The following GABRG3 variants were observed in gnomAD, a reference collection of about 807,000 sequenced individuals.
The protein encoded by GABRG3 is gamma-aminobutyric acid type A receptor subunit gamma3.
A neutral mutation model predicts 48.8 loss-of-function variants in GABRG3; 25 were observed. That is an observed-to-expected ratio of 0.51 (90% CI 0.37 to 0.72). The LOEUF is 0.72. Ranked by LOEUF, GABRG3 falls within the 30% of genes least tolerant of loss-of-function variation. The pLI is 0.00. For synonymous variants in GABRG3, 227 were observed against 217.6 expected, an observed-to-expected ratio of 1.04 and a Z score of -0.38; for missense variants, 394 against 577.9, an observed-to-expected ratio of 0.68 and a Z score of 3.26.
intron 3 of GABRG3, among the ~76,000 whole-genome samples, chr15:27,065,054 G>A (rs1896714142): frequency 6.6e-6 from 1 of 152,076 alleles, no homozygotes; most frequent in South Asian, 2.1e-4. Context: ...CCGTGTGGTG[G>A]GCTCCTGCAC....
chr15:26,991,321 A>G (rs1041990558), intron 2 of GABRG3, among the ~76,000 whole-genome samples: 4 of 151,216 alleles, frequency 2.6e-5, no homozygotes, highest in Non-Finnish European at 4.4e-5. Context: ...TTGTTACTAT[A>G]GCCTTGTAAT....
At chr15:27,472,644 G>A (rs1889820351) in intron 5 of GABRG3, among the ~76,000 whole-genome samples, 1 of 152,066 alleles carries the variant, frequency 6.6e-6, no homozygotes, top group African/African-American at 2.4e-5. Context: ...TTTCCTAAGA[G>A]TATGTTAACT....
At chr15:27,018,364 A>G (rs948366279) in intron 2 of GABRG3, among the ~76,000 whole-genome samples, 8 of 152,156 alleles carry the variant, frequency 5.3e-5, no homozygotes, top group African/African-American at 1.9e-4. Flanking sequence ...TGAACTTAAC[A>G]CCAGTGTTTT....
intron 3 of GABRG3, among the ~76,000 whole-genome samples, chr15:27,109,893 TAAATA>T (rs1312527897): frequency 6.8e-6 from 1 of 146,462 alleles, no homozygotes; most frequent in African/African-American, 2.6e-5. Context: ...AGTAAATAAA[TAAATA>T]AAATAAAATG....
chr15:27,525,817 G>A (rs3097491), intron 7 of GABRG3, among the ~76,000 whole-genome samples: 84,561 of 151,840 alleles, frequency 0.56, 23,697 homozygotes, highest in East Asian at 0.67. Flanking sequence ...ATTCCCTGGG[G>A]GAGAACATTA....
At chr15:27,364,916 T>G (rs1174126856) in intron 5 of GABRG3, 3 of 152,182 alleles carry the variant, frequency 2.0e-5, no homozygotes, top group Non-Finnish European at 2.9e-5. Context: ...AGCCTTTTTG[T>G]TTTAATTTCA....
At position 27,533,011 on chromosome 15, in the gene GABRG3, T is replaced by C; in HGVS notation, c.*130T>C. 1 of 813,962 alleles carries C rather than the reference T, an allele frequency of 1.2e-6. No individual in the cohort carries two copies. The highest frequency in any genetic ancestry group is 1.9e-6 in the Non-Finnish European group (1 of 528,572). 50.4% of individuals were successfully genotyped at this position (813,962 alleles called of 1,614,324 possible). A position where few individuals can be genotyped will look rare whatever the true frequency, so the allele number is the denominator to read the frequency against. Reference sequence around the variant, plus strand: ...CAGTGTATCTTGTTATAAATGACCTTTCAGCAACACAGGAAGTACCCAGCA... The same window carrying C: ...CAGTGTATCTTGTTATAAATGACCTCTCAGCAACACAGGAAGTACCCAGCA... On this transcript the variant is annotated 3_prime_UTR_variant, in exon 10 of 10. Coordinates refer to ENST00000615808, the MANE Select transcript of GABRG3 (RefSeq NM_033223.5).
chr15:27,105,606 G>A (rs186741018), intron 3 of GABRG3, among the ~76,000 whole-genome samples: 36 of 152,222 alleles, frequency 2.4e-4, no homozygotes, highest in Non-Finnish European at 2.2e-4. Context: ...TAACGTTTTA[G>A]GATGGCGGTT....
intron 3 of GABRG3, among the ~76,000 whole-genome samples, chr15:27,072,559 G>T (rs920850788): frequency 1.3e-5 from 2 of 152,166 alleles, no homozygotes; most frequent in Non-Finnish European, 2.9e-5. Flanking sequence ...ACTCCAGAGG[G>T]TACAATGACT....
Position 27,110,312 on chromosome 15 carries a change from C to T in GABRG3, c.270+83491C>T, listed in dbSNP as rs542301430. Reference sequence around the variant, plus strand: ...TTGTAACAGTGTATTCCTTATTTCTCCTTCCTATGTCTCATACATTACTGT... The same window carrying T: ...TTGTAACAGTGTATTCCTTATTTCTTCTTCCTATGTCTCATACATTACTGT... On this transcript the variant is annotated intron_variant, in intron 3 of 9. Coordinates refer to ENST00000615808, the MANE Select transcript of GABRG3 (RefSeq NM_033223.5). Among the ~76,000 whole-genome samples the T allele has an allele frequency of 2.0e-4, 30 of 152,224 alleles. 1 individual carries two copies. The highest frequency in any genetic ancestry group is 7.0e-4 in the African/African-American group (29 of 41,558).
chr15:27,301,138 C>T (rs953563619), intron 3 of GABRG3, among the ~76,000 whole-genome samples: 1 of 151,892 alleles, frequency 6.6e-6, no homozygotes, highest in South Asian at 2.1e-4. Flanking sequence ...GTAGAGGAAC[C>T]TAAGGGAAAA....
chr15:27,347,553 C>T (rs940079840), intron 5 of GABRG3, among the ~76,000 whole-genome samples: 1 of 152,190 alleles, frequency 6.6e-6, no homozygotes, highest in African/African-American at 2.4e-5. Context: ...TCTTTCTCTG[C>T]TAGAGTAGGT....
chr15:27,457,360 T>C lies in GABRG3; in HGVS notation c.575-23290T>C, dbSNP rs1889315181. Among the ~76,000 whole-genome samples the C allele has an allele frequency of 6.6e-6, 1 of 152,206 alleles. No homozygotes were observed. The highest frequency in any genetic ancestry group is 2.4e-5 in the African/African-American group (1 of 41,464). ...AGCATTTGACGTTTTGTTTTTTGCG[T>C]TTGTAGAAACATCACCTTCAGACCT... is the stretch of plus-strand genomic sequence containing the variant. On this transcript the variant is annotated intron_variant, in intron 5 of 9. Coordinates refer to ENST00000615808, the MANE Select transcript of GABRG3 (RefSeq NM_033223.5). This position sits in a 1 kb window ranked among gnomAD's most constrained non-coding sequence, Gnocchi z 4.4.
At chr15:27,440,891 T>A (rs958062712) in intron 5 of GABRG3, among the ~76,000 whole-genome samples, 1 of 152,222 alleles carries the variant, frequency 6.6e-6, no homozygotes, top group Non-Finnish European at 1.5e-5. Flanking sequence ...AGTATACCCA[T>A]GGGGTAAACC....
intron 3 of GABRG3, among the ~76,000 whole-genome samples, chr15:27,315,549 A>G (rs373440094): frequency 5.9e-5 from 9 of 152,216 alleles, no homozygotes; most frequent in African/African-American, 2.2e-4. Context: ...TCCCATTATC[A>G]TGAATGTTAG....
rs546536631 is a variant in GABRG3 at position 27,077,751 on chromosome 15, G to A, written c.270+50930G>A. Among the ~76,000 whole-genome samples, 4 of 152,304 alleles carry A rather than the reference G, an allele frequency of 2.6e-5. No individual in the cohort carries two copies. In the South Asian group the frequency reaches 8.3e-4, roughly 32 times the overall value. On this transcript the variant is annotated intron_variant, in intron 3 of 9. Coordinates refer to ENST00000615808, the MANE Select transcript of GABRG3 (RefSeq NM_033223.5). ...CTGATCTCTCTCCTCTTATTCAGCTGCAGATTACTCTGGAAATGAAAGGAA... is the reference window on the plus strand; with the variant it reads ...CTGATCTCTCTCCTCTTATTCAGCTACAGATTACTCTGGAAATGAAAGGAA...
At chr15:27,481,185 A>G (rs934176013) in intron 6 of GABRG3, 1 of 1,004,522 alleles carries the variant, frequency 1.0e-6, no homozygotes, top group Non-Finnish European at 1.2e-6. Context: ...TTGAGTTTCA[A>G]TTGCTTTTAT....
chr15:27,531,304 G>A (rs1891418446), intron 9 of GABRG3, among the ~76,000 whole-genome samples: 1 of 152,190 alleles, frequency 6.6e-6, no homozygotes, highest in Non-Finnish European at 1.5e-5. Context: ...CTGAATCTGA[G>A]TGCCTGATCA....
intron 2 of GABRG3, among the ~76,000 whole-genome samples, chr15:26,978,132 A>T (rs1265118206): frequency 6.6e-6 from 1 of 152,064 alleles, no homozygotes; most frequent in Non-Finnish European, 1.5e-5. Context: ...TTTTGCCATC[A>T]GTATAGCCTT....
Sources: gnomAD v4.1 joint callset for allele counts (sites outside exome capture counted in the v4.1 genomes callset) on GRCh38, gnomAD v4.1.1 for gene constraint, Gnocchi (gnomAD v3.1) non-coding constraint, MANE v1.5 for transcripts, NCBI Gene and HGNC (gene_info 2026-07-23, HGNC 2026-07-21) for gene names.